Variants in TESPA1 observed in about 807,000 individuals in gnomAD.
TESPA1 encodes the protein protein TESPA1.
A neutral mutation model predicts 57.9 loss-of-function variants in TESPA1; 33 were observed. The ratio of observed to expected loss-of-function variants is 0.57; its 90% CI spans 0.43 to 0.76. TESPA1 has a LOEUF of 0.76. Ranked by LOEUF, TESPA1 falls within the 30% of genes least tolerant of loss-of-function variation. The pLI, the probability that TESPA1 is intolerant of heterozygous loss-of-function variation, is 0.00. For missense variants in TESPA1, 618 were observed against 632.9 expected (o/e 0.98, Z 0.25); for synonymous variants, 227 against 228.9 (o/e 0.99, Z 0.07).
chr12:54,979,515 C>T (rs989736976), intron 1 of TESPA1, among the ~76,000 whole-genome samples: 4 of 152,208 alleles, frequency 2.6e-5, no homozygotes, highest in Admixed American at 1.3e-4. Context: ...TCTAGACGTT[C>T]ATTCCATAAA....
At position 54,974,605 on chromosome 12, in the gene TESPA1, G is replaced by T. The variant is rs775998366; in HGVS notation, c.-43C>A. The T allele has an allele frequency of 6.9e-7, 1 of 1,457,870 alleles. No individual in the cohort carries two copies. Among genetic ancestry groups the T allele is most frequent in the Non-Finnish European group, 9.1e-7 (1 of 1,098,022 alleles). 90.3% of individuals were successfully genotyped at this position (1,457,870 alleles called of 1,614,324 possible). A position where few individuals can be genotyped will look rare whatever the true frequency, so the allele number is the denominator to read the frequency against. On this transcript the variant is annotated splice_region_variant and 5_prime_UTR_variant, in exon 2 of 11. Coordinates refer to ENST00000449076, the MANE Select transcript of TESPA1 (RefSeq NM_001136030.3). ...CAGGGCCTCCCGTAACAGTAATGCC[G>T]TCCTAAGAGTTGAAAAACAGTGATA...
At chr12:54,951,938 T>C (rs1336282413) in intron 10 of TESPA1, among the ~76,000 whole-genome samples, 1 of 151,252 alleles carries the variant, frequency 6.6e-6, no homozygotes, top group African/African-American at 2.4e-5. Flanking sequence ...TAAGTAAGCC[T>C]TGAACTCCAA....
chr12:54,973,388 T>C, intron 3 of TESPA1, 89 bp downstream of exon 3: 2 of 1,575,036 alleles, frequency 1.3e-6, no homozygotes, highest in South Asian at 2.2e-5. Flanking sequence ...ATCAAATCCA[T>C]CTTCCCGTCT....
chr12:54,962,658 A>G lies in TESPA1; in HGVS notation c.1240T>C (p.Cys414Arg). 6.2e-7 allele frequency: 1 copy of G among 1,613,870 alleles called. No homozygotes were observed. Among genetic ancestry groups the G allele is most frequent in the Non-Finnish European group, 8.5e-7 (1 of 1,179,866 alleles). ...TCCGTATTGGTGGCTGGTAGACTAC[A>G]CAGCTCTCTCCTTATCTGAGCTGGG... ...TDPAQIRRELCSLPATNTETH... is the reference protein window; with the variant it reads ...TDPAQIRRELRSLPATNTETH... The change falls in exon 9 of 11, where the codon TGT becomes CGT. Residue 414 changes from cysteine (C) to arginine (R), a missense_variant. Cys to Arg is a radical substitution (Grantham distance 180). Transcript: ENST00000449076.
At chr12:54,950,874 A>C (rs553935563) in intron 10 of TESPA1, among the ~76,000 whole-genome samples, 1 of 152,328 alleles carries the variant, frequency 6.6e-6, no homozygotes, top group African/African-American at 2.4e-5. Flanking sequence ...AGAGAGAAAG[A>C]AATAGGCAGA....
chr12:54,967,726 C>T, intron 4 of TESPA1, 117 bp downstream of exon 4: 3 of 1,230,698 alleles, frequency 2.4e-6, no homozygotes, highest in South Asian at 1.4e-5. Flanking sequence ...TAAGAACACT[C>T]AGGGACTCTT....
chr12:54,961,092 TA>T (rs5798332), intron 10 of TESPA1, 75 bp downstream of exon 10: 366,395 of 1,204,188 alleles, frequency 0.3, 32,776 homozygotes, highest in East Asian at 0.72. Flanking sequence ...ATTATGGGTT[TA>T]AAAAAAAAAA....
intron 1 of TESPA1, among the ~76,000 whole-genome samples, chr12:54,981,086 A>T (rs1261954239): frequency 3.9e-5 from 6 of 151,938 alleles, no homozygotes; most frequent in Non-Finnish European, 5.9e-5. Context: ...CACCTAGTCT[A>T]TACCTAATTT....
chr12:54,967,090 T>C (rs1951488563), intron 5 of TESPA1, 93 bp downstream of exon 5: 2 of 1,438,300 alleles, frequency 1.4e-6, no homozygotes, highest in East Asian at 2.4e-5. Context: ...ATGGGCTGTT[T>C]CTTTCTGAAG....
chr12:54,966,241 G>T, intron 6 of TESPA1, 90 bp from the exon 7 acceptor site: 2 of 1,560,564 alleles, frequency 1.3e-6, no homozygotes, highest in South Asian at 1.1e-5. Context: ...TTCACCCCCT[G>T]AACAGTAGTC....
intron 1 of TESPA1, among the ~76,000 whole-genome samples, chr12:54,976,606 TC>T (rs1952148013): frequency 6.6e-6 from 1 of 152,166 alleles, no homozygotes; most frequent in Admixed American, 6.5e-5. Context: ...TTCTGCCACT[TC>T]AAATGGTATA....
chr12:54,970,534 C>A (rs1414799600), intron 3 of TESPA1, among the ~76,000 whole-genome samples: 1 of 152,118 alleles, frequency 6.6e-6, no homozygotes, highest in African/African-American at 2.4e-5. Flanking sequence ...TCTGTGGAAC[C>A]TACAACAGCA....
chr12:54,955,282 AAAAC>A (rs1297035999), intron 10 of TESPA1, among the ~76,000 whole-genome samples: 2 of 152,236 alleles, frequency 1.3e-5, no homozygotes, highest in African/African-American at 2.4e-5. Flanking sequence ...ACTTAATAAC[AAAAC>A]AAACAAATAG....
rs11171186 is a variant in TESPA1 at position 54,949,366 on chromosome 12, T to A, written c.*1026A>T. The A allele has an allele frequency of 8.5e-6, 1 of 117,118 alleles. No individual in the cohort carries two copies. The highest frequency in any genetic ancestry group is 1.7e-5 in the Non-Finnish European group (1 of 57,638). The allele number at this position is 117,118 out of a possible 1,614,324, so 7.3% of individuals were successfully genotyped here. On this transcript the variant is annotated 3_prime_UTR_variant, in exon 11 of 11. Transcript: ENST00000449076. Reference sequence around the variant, plus strand: ...ATGATTTCCCTCAAATTCCCTCAAGTCCCTCTCTTCCTGTTTTTTTTTTTT... The same window carrying A: ...ATGATTTCCCTCAAATTCCCTCAAGACCCTCTCTTCCTGTTTTTTTTTTTT...
intron 1 of TESPA1, chr12:54,981,847 A>C (rs562070501): frequency 6.6e-6 from 1 of 152,426 alleles, no homozygotes; most frequent in South Asian, 2.1e-4. Context: ...TTGGTTTCCA[A>C]GGCCCAGTCC....
At position 54,968,923 on chromosome 12, in the gene TESPA1, A is replaced by C. The variant is rs1286746846; in HGVS notation, c.207-1031T>G. On this transcript the variant is annotated intron_variant, in intron 3 of 10. Coordinates refer to ENST00000449076, the MANE Select transcript of TESPA1 (RefSeq NM_001136030.3). ...TCTCAGGCCACTGGAGTATCACTTC[A>C]TGGCGTGTGTAACAGTGGGAATAGG... 2.6e-5 allele frequency among the ~76,000 whole-genome samples: 4 copies of C among 151,628 alleles called. No homozygotes were observed. The East Asian group carries it at 7.8e-4, about 29-fold the overall frequency.
Position 54,963,105 on chromosome 12 carries a change from G to A in TESPA1, c.793C>T (p.Pro265Ser), listed in dbSNP as rs1951193261. ...FWNCNHPTDV[P>S]SIRILSREPE... ...TCTCGGGACAGAATCCTGATGGATG[G>A]CACATCAGTTGGATGGTTGCAATTC... The change falls in exon 9 of 11, where the codon CCA (proline) becomes TCA (serine). Residue 265 changes from proline to serine, a missense_variant. Transcript: ENST00000449076. The A allele has an allele frequency of 1.2e-6, 2 of 1,613,982 alleles. No individual in the cohort carries two copies. Among genetic ancestry groups the A allele is most frequent in the African/African-American group, 1.3e-5 (1 of 75,048 alleles).
intron 10 of TESPA1, among the ~76,000 whole-genome samples, chr12:54,960,230 A>G (rs1950989744): frequency 6.6e-6 from 1 of 152,226 alleles, no homozygotes; most frequent in Non-Finnish European, 1.5e-5. Context: ...TGTAGCAGAT[A>G]GGTGGTTAAA....
chr12:54,973,233 C>T (rs1441853087), intron 3 of TESPA1, among the ~76,000 whole-genome samples: 1 of 152,210 alleles, frequency 6.6e-6, no homozygotes, highest in Non-Finnish European at 1.5e-5. Context: ...TTAGCTCAAA[C>T]CCAACCTCTA....
Sources: gnomAD v4.1 joint callset for allele counts (sites outside exome capture counted in the v4.1 genomes callset) on GRCh38, gnomAD v4.1.1 for gene constraint, MANE v1.5 for transcripts, NCBI Gene and HGNC (gene_info 2026-07-23, HGNC 2026-07-21) for gene names.